The following NOX4 variants were observed in gnomAD, a reference collection of about 807,000 sequenced individuals.
The protein encoded by NOX4 is NADPH oxidase 4, also known as kidney oxidase-1.
Under a neutral mutation model 87.6 loss-of-function variants are expected in NOX4, and 69 were observed. The ratio of observed to expected loss-of-function variants is 0.79; its 90% CI spans 0.65 to 0.96. The LOEUF (loss-of-function observed/expected upper bound fraction) is 0.96. NOX4 is among the 40% of genes least tolerant of loss of function. NOX4 has a pLI of 0.00. For missense variants in NOX4, 680 were observed against 681.5 expected, an observed-to-expected ratio of 1.00 and a Z score of 0.02; for synonymous variants, 275 against 238.2, an observed-to-expected ratio of 1.15 and a Z score of -1.42.
At chr11:89,362,104 C>G (rs1180523962) in intron 12 of NOX4, among the ~76,000 whole-genome samples, 1 of 152,000 alleles carries the variant, frequency 6.6e-6, no homozygotes, top group African/African-American at 2.4e-5. Flanking sequence ...TTCCCCCAAA[C>G]CCTCTTTGTT....
chr11:89,456,877 A>G (rs1945226323), intron 2 of NOX4, among the ~76,000 whole-genome samples: 1 of 152,072 alleles, frequency 6.6e-6, no homozygotes, highest in African/African-American at 2.4e-5. Context: ...AGCCTTTGAG[A>G]GACTGTTGGA....
At chr11:89,376,772 C>T (rs1939873170) in intron 11 of NOX4, among the ~76,000 whole-genome samples, 2 of 152,142 alleles carry the variant, frequency 1.3e-5, no homozygotes, top group South Asian at 4.1e-4. Flanking sequence ...GTCCCAGATA[C>T]TCGGGAGGCT....
intron 12 of NOX4, among the ~76,000 whole-genome samples, chr11:89,360,387 G>A (rs1282917369): frequency 4.6e-5 from 7 of 152,060 alleles, no homozygotes; most frequent in Admixed American, 2.6e-4. Context: ...TGATAAATAC[G>A]TTAATTAGCT....
chr11:89,506,047 A>G, the NOX4 span, among the ~76,000 whole-genome samples: 1 of 151,780 alleles, frequency 6.6e-6, no homozygotes, highest in African/African-American at 2.4e-5. Context: ...CATAGATATA[A>G]AAATAAGTAT....
At chr11:89,365,753 C>CAAAAAAAAAAAAAAAAAA (rs1213376592) in intron 12 of NOX4, among the ~76,000 whole-genome samples, 1 of 56,660 alleles carries the variant, frequency 1.8e-5, no homozygotes, top group Non-Finnish European at 3.2e-5. Context: ...ACCACGCCCA[C>CAAAAAAAAAAAAAAAAAA]AAAAAAAAAA....
At chr11:89,568,325 T>A in the NOX4 span, among the ~76,000 whole-genome samples, 1 of 152,256 alleles carries the variant, frequency 6.6e-6, no homozygotes, top group South Asian at 2.1e-4. Flanking sequence ...AAGAATAAGA[T>A]TGATAGACCA....
chr11:89,454,205 TAAA>T (rs1172568683), intron 2 of NOX4, among the ~76,000 whole-genome samples: 2 of 152,180 alleles, frequency 1.3e-5, no homozygotes, highest in Non-Finnish European at 2.9e-5. Flanking sequence ...TTTCTCTAAG[TAAA>T]TGTTAAACCC....
the NOX4 span, chr11:89,533,781 T>G: frequency 2.0e-5 from 3 of 152,336 alleles, no homozygotes; most frequent in African/African-American, 7.2e-5. Context: ...CTCTGCCTAT[T>G]GTTTTCTGTA....
the NOX4 span, among the ~76,000 whole-genome samples, chr11:89,560,992 C>CTA: frequency 0.01 from 687 of 68,016 alleles, 2 homozygotes; most frequent in East Asian, 0.023. Context: ...CTCTCTCTCT[C>CTA]TCTCTATATA....
the NOX4 span, among the ~76,000 whole-genome samples, chr11:89,544,265 G>C: frequency 5.3e-3 from 798 of 151,994 alleles, 8 homozygotes; most frequent in African/African-American, 0.018. Flanking sequence ...TAGCTTTTTA[G>C]TTTAGGTTAT....
chr11:89,576,317 C>T, the NOX4 span, among the ~76,000 whole-genome samples: 1 of 152,150 alleles, frequency 6.6e-6, no homozygotes, highest in Non-Finnish European at 1.5e-5. Flanking sequence ...GATCCAGTGT[C>T]CCTGGGGTAC....
At chr11:89,491,532 A>T (rs907554700), upstream of NOX4, 4 of 426,972 alleles carry the variant, frequency 9.4e-6, no homozygotes, top group Non-Finnish European at 1.7e-5. Context: ...AGGCTGCACC[A>T]GTCTGCTCCG....
the NOX4 span, among the ~76,000 whole-genome samples, chr11:89,508,523 T>TA: frequency 5.3e-5 from 8 of 152,090 alleles, no homozygotes; most frequent in African/African-American, 1.9e-4. Flanking sequence ...TGCCAGCTTC[T>TA]AAGCAATGAG....
chr11:89,420,266 G>A (rs1943013161), intron 8 of NOX4, among the ~76,000 whole-genome samples: 1 of 152,102 alleles, frequency 6.6e-6, no homozygotes, highest in Admixed American at 6.6e-5. Context: ...CATAAAGTAT[G>A]TGAAGCATTT....
rs1939964075 is a variant in NOX4, at chr11:89,377,747, A to G, written c.1075-4255T>C. On this transcript the variant is annotated intron_variant, in intron 11 of 17. Coordinates refer to ENST00000263317, the MANE Select transcript of NOX4 (RefSeq NM_016931.5). ...AATGATTCCAAAATAGCAACTTTTC[A>G]AAAACTAAATGTGTTAAACCTGAGA... Among the ~76,000 whole-genome samples, 3 of 152,188 alleles carry G rather than the reference A, an allele frequency of 2.0e-5. No homozygotes were observed. In the South Asian group the frequency reaches 6.2e-4, roughly 31 times the overall value.
the NOX4 span, among the ~76,000 whole-genome samples, chr11:89,585,957 C>CACA: frequency 2.0e-5 from 3 of 152,140 alleles, no homozygotes; most frequent in African/African-American, 7.2e-5. Context: ...AATAATATTT[C>CACA]ACAACATTTA....
intron 4 of NOX4, among the ~76,000 whole-genome samples, chr11:89,448,420 T>C (rs1243775882): frequency 2.0e-5 from 3 of 152,188 alleles, no homozygotes; most frequent in African/African-American, 7.2e-5. Flanking sequence ...AAAAGGCTTA[T>C]AATAGCACAA....
At chr11:89,555,215 A>T in the NOX4 span, among the ~76,000 whole-genome samples, 1 of 151,960 alleles carries the variant, frequency 6.6e-6, no homozygotes, top group East Asian at 1.9e-4. Flanking sequence ...GGGAGCAGTG[A>T]CTCTGGATTG....
the NOX4 span, among the ~76,000 whole-genome samples, chr11:89,558,133 A>C: frequency 6.6e-6 from 1 of 152,178 alleles, no homozygotes; most frequent in East Asian, 1.9e-4. Context: ...GAAACAAGAA[A>C]CTATCTTTTT....
Sources: allele counts gnomAD v4.1 joint callset (sites outside exome capture counted in the v4.1 genomes callset), GRCh38; gene constraint gnomAD v4.1.1; transcripts MANE v1.5; gene names NCBI Gene and HGNC (gene_info 2026-07-23, HGNC 2026-07-21).